The following SAMD4B variants were observed in gnomAD, a reference collection of about 807,000 sequenced individuals.
SAMD4B encodes sterile alpha motif domain containing 4B.
In SAMD4B, 5 loss-of-function variants were observed where a neutral mutation model predicts 74.5. That is an observed-to-expected ratio of 0.07 (90% CI 0.04 to 0.14). SAMD4B has a LOEUF of 0.14. Among genes scored for constraint, SAMD4B ranks in the 10% least tolerant of loss-of-function variants. The pLI is 1.00. For missense variants in SAMD4B, 608 were observed against 921.8 expected, an observed-to-expected ratio of 0.66 and a Z score of 4.41; for synonymous variants, 373 against 374.9, an observed-to-expected ratio of 1.00 and a Z score of 0.06.
chr19:39,353,911 A>G (rs2076197971), intron 1 of SAMD4B, 95 bp from the exon 2 acceptor site: 1 of 152,210 alleles, frequency 6.6e-6, no homozygotes, highest in African/African-American at 2.4e-5. Flanking sequence ...CAGATTAGGC[A>G]TGTTTTTAAT....
chr19:39,361,706 G>A lies in SAMD4B; in HGVS notation c.196+4617G>A, dbSNP rs189512575. Among the ~76,000 whole-genome samples, 623 of 151,868 alleles carry A rather than the reference G, an allele frequency of 4.1e-3. 4 individuals carry two copies. The highest frequency in any genetic ancestry group is 0.014 in the African/African-American group (589 of 41,372). On this transcript the variant is annotated intron_variant, in intron 3 of 13. Transcript: ENST00000610417. ...TCGGAGGCCGAGGTGGGCGGATCAC[G>A]AGGTCAGGAGATGGAGACCATCCTG...
intron 12 of SAMD4B, among the ~76,000 whole-genome samples, chr19:39,382,467 G>A (rs117652859): frequency 4.3e-4 from 66 of 152,242 alleles, no homozygotes; most frequent in Non-Finnish European, 7.6e-4. Context: ...AGACAATTGG[G>A]TGATCTGATA....
At position 39,383,623 on chromosome 19, in the gene SAMD4B, G is replaced by A. The variant is rs750311470; in HGVS notation, c.*96G>A. 1.9e-6 allele frequency: 3 copies of A among 1,612,706 alleles called. No homozygotes were observed. The East Asian group carries it at 6.7e-5, about 36-fold the overall frequency. ...TCCGCGACAGCGAGAGGGTGGGCTG[G>A]CTCAGCTATATATTCTAATATTTTT... On this transcript the variant is annotated 3_prime_UTR_variant, in exon 14 of 14. Transcript: ENST00000610417. This position sits in a 1 kb window ranked among gnomAD's most constrained non-coding sequence, Gnocchi z 4.1.
rs1024320771 is a variant in SAMD4B, at chr19:39,370,138, GGT to G, written c.667+16_667+17del. 4.5e-6 allele frequency: 7 copies of G among 1,565,468 alleles called. No homozygotes were observed. The African/African-American group carries it at 8.2e-5, about 18-fold the overall frequency. On this transcript the variant is annotated intron_variant, in intron 4 of 13. Coordinates refer to ENST00000610417, the MANE Select transcript of SAMD4B (RefSeq NM_001384574.2). ...AATGCAAACACAGGTAAGTGGCGGGGGTGTCCCAGAAGGCCATGCCTACTTGA... is the reference window on the plus strand; with the variant it reads ...AATGCAAACACAGGTAAGTGGCGGGGGTCCCAGAAGGCCATGCCTACTTGA...
chr19:39,383,810 TC>T lies in SAMD4B; in HGVS notation c.*287del. On this transcript the variant is annotated 3_prime_UTR_variant, in exon 14 of 14. Transcript: ENST00000610417. This position sits in a 1 kb window ranked among gnomAD's most constrained non-coding sequence, Gnocchi z 4.1. ...CCTGCCTCTCTCCTTTCCTTCCTCA[TC>T]CCCACCTGGTCCCATCCCACCCCTG... is the stretch of plus-strand genomic sequence containing the variant. 1 of 1,214,868 alleles carries T rather than the reference TC, an allele frequency of 8.2e-7. No individual in the cohort carries two copies. The highest frequency in any genetic ancestry group is 1.2e-6 in the Non-Finnish European group (1 of 869,274). The allele number at this position is 1,214,868 out of a possible 1,614,324, so 75.3% of individuals were successfully genotyped here.
rs560612363 is a variant in SAMD4B, at chr19:39,378,806, C to T, written c.1530+217C>T. On this transcript the variant is annotated intron_variant, in intron 9 of 13. Transcript: ENST00000610417. This position sits in a 1 kb window ranked among gnomAD's most constrained non-coding sequence, Gnocchi z 4.4. ...CCTGCAGTCCCAGCTACGCGGGAGG[C>T]TGAGGCAGAATGGCGTGAACCCGGC... 6.6e-6 allele frequency among the ~76,000 whole-genome samples: 1 copy of T among 152,248 alleles called. No homozygotes were observed. The highest frequency in any genetic ancestry group is 1.5e-5 in the Non-Finnish European group (1 of 68,036).
intron 2 of SAMD4B, among the ~76,000 whole-genome samples, chr19:39,354,681 G>A (rs560219914): frequency 2.0e-4 from 31 of 152,260 alleles, no homozygotes; most frequent in Admixed American, 1.4e-3. Context: ...AGTAACTCCT[G>A]AGATTGGATG....
intron 2 of SAMD4B, among the ~76,000 whole-genome samples, chr19:39,356,322 C>T (rs58586829): frequency 0.06 from 9,067 of 152,146 alleles, 439 homozygotes; most frequent in African/African-American, 0.13. Context: ...TGGGCCAGAT[C>T]GCCATCAATT....
rs773704185 is a variant in SAMD4B, at chr19:39,369,790, A to G, written c.332A>G (p.Tyr111Cys). Residue 111 changes from tyrosine (Y) to cysteine (C), a missense_variant, in exon 4 of 14, where the codon TAC becomes TGC. Physicochemically the swap from Tyr to Cys is radical, Grantham distance 194. This residue lies in a region of SAMD4B where 74 missense variants were observed against 182.0 expected (regional missense o/e 0.41). Coordinates refer to ENST00000610417, the MANE Select transcript of SAMD4B (RefSeq NM_001384574.2). Reference sequence around the variant, plus strand: ...AGGCTACTGCAGAAAGTGCTGGCCTACTCAATCGAGAGCAATGCTTTCATC... The same window carrying G: ...AGGCTACTGCAGAAAGTGCTGGCCTGCTCAATCGAGAGCAATGCTTTCATC... ...YMRLLQKVLA[Y>C]SIESNAFIEE... 2 of 1,614,216 alleles carry G rather than the reference A, an allele frequency of 1.2e-6. No homozygotes were observed. The highest frequency in any genetic ancestry group is 1.3e-5 in the African/African-American group (1 of 75,052).
chr19:39,346,000 C>T (rs1045480655), intron 1 of SAMD4B, among the ~76,000 whole-genome samples: 3 of 152,132 alleles, frequency 2.0e-5, no homozygotes, highest in African/African-American at 7.2e-5. Context: ...CTGCCTCACC[C>T]GTCCTGGTTG....
Position 39,361,425 on chromosome 19 carries a change from G to C in SAMD4B, c.196+4336G>C, listed in dbSNP as rs370956184. On this transcript the variant is annotated intron_variant, in intron 3 of 13. Coordinates refer to ENST00000610417, the MANE Select transcript of SAMD4B (RefSeq NM_001384574.2). ...AGGTCAGGAGATTGAGACCATCCTG[G>C]CTAAAATGGTGAAACCCCGTCTCTA... Among the ~76,000 whole-genome samples the C allele has an allele frequency of 1.2e-3, 182 of 151,708 alleles. No homozygotes were observed. The Middle Eastern group carries it at 0.014, about 11-fold the overall frequency.
intron 4 of SAMD4B, 62 bp downstream of exon 4, chr19:39,370,187 T>C: frequency 6.9e-7 from 1 of 1,442,206 alleles, no homozygotes; most frequent in Non-Finnish European, 9.5e-7. Flanking sequence ...CTAGGCTCAG[T>C]GAGAGCTCTC....
At chr19:39,373,339 T>C (rs773314226) in intron 4 of SAMD4B, among the ~76,000 whole-genome samples, 31 of 152,146 alleles carry the variant, frequency 2.0e-4, no homozygotes, top group Non-Finnish European at 2.4e-4. Context: ...TTTTGTCCTT[T>C]ATGAAACTTC....
chr19:39,369,603 T>C (rs550519179), intron 3 of SAMD4B, 52 bp from the exon 4 acceptor site: 32 of 1,459,236 alleles, frequency 2.2e-5, no homozygotes, highest in East Asian at 1.2e-4. Flanking sequence ...CTCAGGTGAA[T>C]AGGAGTACCC....
chr19:39,359,451 G>A (rs1464122480), intron 3 of SAMD4B, among the ~76,000 whole-genome samples: 1 of 152,158 alleles, frequency 6.6e-6, no homozygotes, highest in Non-Finnish European at 1.5e-5. Context: ...ATATATGAAT[G>A]CATATATATT....
At chr19:39,373,384 T>A (rs1181835849) in intron 4 of SAMD4B, among the ~76,000 whole-genome samples, 2 of 152,182 alleles carry the variant, frequency 1.3e-5, no homozygotes, top group Non-Finnish European at 2.9e-5. Flanking sequence ...GCCCTGTGCC[T>A]GATCATGGGA....
At chr19:39,348,018 G>A (rs1477173016) in intron 1 of SAMD4B, among the ~76,000 whole-genome samples, 6 of 152,186 alleles carry the variant, frequency 3.9e-5, no homozygotes. Flanking sequence ...CACTGTAGTA[G>A]ACAGGGGGAT....
downstream of SAMD4B, chr19:39,389,275 A>T: frequency 1.9e-6 from 3 of 1,612,970 alleles, no homozygotes; most frequent in Non-Finnish European, 2.5e-6. The surrounding 1 kb of genome is among the most constrained non-coding windows in gnomAD (Gnocchi z 5.3). Flanking sequence ...TCCTGTTAGT[A>T]ACTTACTTGA....
At chr19:39,356,325 C>T (rs895831756) in intron 2 of SAMD4B, among the ~76,000 whole-genome samples, 10 of 152,114 alleles carry the variant, frequency 6.6e-5, no homozygotes, top group African/African-American at 2.2e-4. Context: ...GCCAGATCGC[C>T]ATCAATTCAT....
Sources: gnomAD v4.1 joint callset for allele counts (sites outside exome capture counted in the v4.1 genomes callset) on GRCh38, gnomAD v4.1.1 for gene constraint, gnomAD v4.1.1 regional missense constraint, Gnocchi (gnomAD v3.1) non-coding constraint, MANE v1.5 for transcripts, NCBI Gene and HGNC (gene_info 2026-07-23, HGNC 2026-07-21) for gene names.